Variants in PCLO observed in about 807,000 individuals in gnomAD.
PCLO encodes protein piccolo.
A neutral mutation model predicts 427.5 loss-of-function variants in PCLO; 82 were observed. The ratio of observed to expected loss-of-function variants is 0.19; its 90% confidence interval spans 0.16 to 0.23. The LOEUF (loss-of-function observed/expected upper bound fraction) is 0.23, where lower values mean the gene tolerates loss of function less well. PCLO is among the 10% of genes least tolerant of loss of function. The pLI, the probability that PCLO is intolerant of heterozygous loss-of-function variation, is 1.00. For missense variants in PCLO, 6,239 were observed against 6,115.9 expected, an observed-to-expected ratio of 1.02 and a Z score of -0.67; for synonymous variants, 2,357 against 2,155.4, an observed-to-expected ratio of 1.09 and a Z score of -2.59.
At chr7:83,080,175 T>C (rs1790061685) in intron 3 of PCLO, among the ~76,000 whole-genome samples, 1 of 152,206 alleles carries the variant, frequency 6.6e-6, no homozygotes. Flanking sequence ...AGTGCTGCAA[T>C]GAACATACGC....
rs748178959 is a variant in PCLO, at chr7:82,951,260, T to G, written c.9328A>C (p.Ile3110Leu). ...TFAITTQPGS[I>L]FSTTVRDLSG... ...AAATCCCTCACTGTGGTGCTGAAAA[T>G]GGAGCCAGGTTGTGTGGTGATAGCA... Residue 3110 changes from isoleucine to leucine, a missense_variant, in exon 6 of 25, where the codon ATT becomes CTT. Coordinates refer to ENST00000333891, the MANE Select transcript of PCLO (RefSeq NM_033026.6). 11 of 1,613,422 alleles carry G rather than the reference T, an allele frequency of 6.8e-6. No homozygotes were observed. Among genetic ancestry groups the G allele is most frequent in the Non-Finnish European group, 9.3e-6 (11 of 1,179,726 alleles).
intron 3 of PCLO, among the ~76,000 whole-genome samples, chr7:83,072,338 C>T (rs906526700): frequency 2.0e-5 from 3 of 151,928 alleles, no homozygotes; most frequent in African/African-American, 7.2e-5. Context: ...ACTGCCAAAA[C>T]CTAACAAAAT....
At chr7:82,998,319 G>C in intron 3 of PCLO, among the ~76,000 whole-genome samples, 1 of 151,722 alleles carries the variant, frequency 6.6e-6, no homozygotes, top group East Asian at 1.9e-4. Context: ...CTTCAGGCAG[G>C]GGGAAAGGAA....
chr7:83,156,540 G>C (rs1792306245), intron 1 of PCLO, 148 bp from the exon 2 acceptor site: 1 of 473,522 alleles, frequency 2.1e-6, no homozygotes. Context: ...CATCCTTTAA[G>C]TGATCATAAA....
Position 82,916,742 on chromosome 7 carries a change from C to A in PCLO, c.11244G>T (p.Arg3748Ser), listed in dbSNP as rs1486564998. Residue 3748 changes from arginine to serine, a missense_variant, in exon 7 of 25, where the codon AGG (arginine) becomes AGT (serine). Physicochemically the swap from Arg to Ser is moderately radical, Grantham distance 110. Around this residue, in one of 5 missense-constraint regions of PCLO, gnomAD observed 4,677 missense variants for 4,468.4 expected, o/e 1.05. Coordinates refer to ENST00000333891, the MANE Select transcript of PCLO (RefSeq NM_033026.6). ...TTGTGTTGGTTCTGCAGATCCTTCTCCTGGAAACTGTGCCCATTGTGCTGA... is the reference window on the plus strand; with the variant it reads ...TTGTGTTGGTTCTGCAGATCCTTCTACTGGAAACTGTGCCCATTGTGCTGA... ...STFSTMGTVS[R>S]RRICRTNTMA... The A allele has an allele frequency of 6.2e-7, 1 of 1,613,636 alleles. No homozygotes were observed. The highest frequency in any genetic ancestry group is 1.7e-5 in the Admixed American group (1 of 59,962).
At chr7:82,843,545 A>T (rs189324054) in intron 13 of PCLO, among the ~76,000 whole-genome samples, 2,577 of 152,150 alleles carry the variant, frequency 0.017, 87 homozygotes, top group African/African-American at 0.059. Context: ...TTTAAAAAAA[A>T]TTTTTTTAAG....
At chr7:82,921,741 C>T (rs1296011561) in intron 6 of PCLO, among the ~76,000 whole-genome samples, 1 of 151,726 alleles carries the variant, frequency 6.6e-6, no homozygotes, top group Non-Finnish European at 1.5e-5. Flanking sequence ...CAAAAGTGGA[C>T]AAGTGGGACC....
At chr7:82,925,872 T>C (rs997204266) in intron 6 of PCLO, among the ~76,000 whole-genome samples, 1 of 151,720 alleles carries the variant, frequency 6.6e-6, no homozygotes, top group African/African-American at 2.4e-5. Context: ...TGCACCACCA[T>C]GCCTAGCTAA....
chr7:82,954,730 G>C lies in PCLO; in HGVS notation c.6223C>G (p.Gln2075Glu). The change falls in exon 5 of 25, where the codon CAA becomes GAA. Residue 2075 changes from glutamine (Q) to glutamate (E), a missense_variant. This residue lies in a region of PCLO where 4,677 missense variants were observed against 4,468.4 expected (regional missense o/e 1.05). Transcript: ENST00000333891. ...YEELMKRQQMQLTPGSSPTQA... is the reference protein window; with the variant it reads ...YEELMKRQQMELTPGSSPTQA... ...GTTGGGCTAGATCCAGGTGTTAATT[G>C]CATCTGTTGCCTCTTCATAAGTTCT... 1 of 1,613,832 alleles carries C rather than the reference G, an allele frequency of 6.2e-7. No homozygotes were observed. Among genetic ancestry groups the C allele is most frequent in the Non-Finnish European group, 8.5e-7 (1 of 1,179,830 alleles).
At chr7:83,048,794 C>A (rs1789163384) in intron 3 of PCLO, among the ~76,000 whole-genome samples, 1 of 152,046 alleles carries the variant, frequency 6.6e-6, no homozygotes, top group African/African-American at 2.4e-5. Flanking sequence ...TAAAGAGCAC[C>A]ATATTACAAA....
intron 3 of PCLO, among the ~76,000 whole-genome samples, chr7:83,055,008 C>T (rs1243611179): frequency 2.0e-5 from 3 of 152,010 alleles, no homozygotes; most frequent in African/African-American, 4.8e-5. Context: ...TAAATTAGAG[C>T]CATCCTAATT....
At chr7:82,912,606 T>C (rs1194620733) in intron 7 of PCLO, among the ~76,000 whole-genome samples, 1 of 152,094 alleles carries the variant, frequency 6.6e-6, no homozygotes, top group Non-Finnish European at 1.5e-5. Context: ...TTTACTTCTT[T>C]GGTATCATCT....
intron 3 of PCLO, among the ~76,000 whole-genome samples, chr7:82,992,204 T>C (rs10277688): frequency 0.01 from 1,591 of 152,168 alleles, 33 homozygotes; most frequent in African/African-American, 0.036. Context: ...GAACTATGTG[T>C]CCTAGTATCT....
chr7:83,078,593 G>A (rs1208068672), intron 3 of PCLO, among the ~76,000 whole-genome samples: 6 of 150,970 alleles, frequency 4.0e-5, no homozygotes, highest in Non-Finnish European at 5.9e-5. Flanking sequence ...GTGCAGTGGC[G>A]TGATCTCAGC....
chr7:82,905,058 C>T lies in PCLO; in HGVS notation c.13438-2317G>A, dbSNP rs137979839. Among the ~76,000 whole-genome samples the T allele has an allele frequency of 1.3e-3, 191 of 152,124 alleles. 1 individual carries two copies. Among genetic ancestry groups the T allele is most frequent in the Non-Finnish European group, 2.2e-3 (150 of 67,954 alleles). ...GAGAGTCCTGTAGCAGATGGGGTTA[C>T]GGGTAGGTGTTGCTAACGCCAAATA... On this transcript the variant is annotated intron_variant, in intron 8 of 24. Transcript: ENST00000333891.
intron 22 of PCLO, among the ~76,000 whole-genome samples, chr7:82,773,379 A>T (rs1458091236): frequency 6.6e-6 from 1 of 152,148 alleles, no homozygotes; most frequent in African/African-American, 2.4e-5. Flanking sequence ...ATAACCTCTG[A>T]GTGAACCTGT....
chr7:82,782,451 A>T (rs2129468153), intron 22 of PCLO, among the ~76,000 whole-genome samples: 1 of 152,322 alleles, frequency 6.6e-6, no homozygotes, highest in South Asian at 2.1e-4. Context: ...TATTTTGCTT[A>T]AATCACAGGG....
At chr7:83,150,926 T>A (rs956386677) in intron 2 of PCLO, among the ~76,000 whole-genome samples, 1 of 152,182 alleles carries the variant, frequency 6.6e-6, no homozygotes, top group African/African-American at 2.4e-5. Context: ...TTACATCCTC[T>A]TTGGAAGATG....
chr7:83,103,685 A>G (rs1790789163), intron 3 of PCLO, among the ~76,000 whole-genome samples: 1 of 152,032 alleles, frequency 6.6e-6, no homozygotes, highest in East Asian at 1.9e-4. Flanking sequence ...CAGAAAAACA[A>G]GATGATCACT....
Sources: gnomAD v4.1 joint callset for allele counts (sites outside exome capture counted in the v4.1 genomes callset) on GRCh38, gnomAD v4.1.1 for gene constraint, gnomAD v4.1.1 regional missense constraint, MANE v1.5 for transcripts, NCBI Gene and HGNC (gene_info 2026-07-23, HGNC 2026-07-21) for gene names.